Variants in ADGRL2 observed in about 807,000 individuals in gnomAD.
The protein encoded by ADGRL2 is adhesion G protein-coupled receptor L2.
In ADGRL2, 44 loss-of-function variants were observed where a neutral mutation model predicts 157.4. The ratio of observed to expected loss-of-function variants is 0.28; its 90% CI spans 0.22 to 0.36. The LOEUF (loss-of-function observed/expected upper bound fraction) is 0.36. Among genes scored for constraint, ADGRL2 ranks in the 10% least tolerant of loss-of-function variants. ADGRL2 has a pLI of 1.00. For missense variants in ADGRL2, 1,510 were observed against 1,768.9 expected (o/e 0.85, Z 2.63); for synonymous variants, 585 against 624.7 (o/e 0.94, Z 0.95).
intron 1 of ADGRL2, among the ~76,000 whole-genome samples, chr1:81,720,712 G>T (rs996408761): frequency 1.3e-5 from 2 of 151,794 alleles, no homozygotes; most frequent in African/African-American, 4.8e-5. Context: ...ATATAAAAAG[G>T]CTATTGCAGC....
intron 3 of ADGRL2, among the ~76,000 whole-genome samples, chr1:81,626,828 C>A (rs2081920801): frequency 6.6e-6 from 1 of 152,102 alleles, no homozygotes. Flanking sequence ...TGTATAAAAG[C>A]ATTTGTACCT....
At position 81,993,816 on chromosome 1, in the gene ADGRL2, T is replaced by C. The variant is rs1310777632; in HGVS notation, c.*2671T>C. ...TTTCACATTCTTGATTGTTTCTCTT[T>C]GTGATAGTCACAACTGTGAACTTAT... On this transcript the variant is annotated 3_prime_UTR_variant, in exon 24 of 24. Coordinates refer to ENST00000686636, the MANE Select transcript of ADGRL2 (RefSeq NM_001366006.2). Among the ~76,000 whole-genome samples, 1 of 152,156 alleles carries C rather than the reference T, an allele frequency of 6.6e-6. No homozygotes were observed. The highest frequency in any genetic ancestry group is 2.4e-5 in the African/African-American group (1 of 41,432).
chr1:81,331,781 T>A (rs913867506), intron 1 of ADGRL2, among the ~76,000 whole-genome samples: 3 of 152,148 alleles, frequency 2.0e-5, no homozygotes, highest in Non-Finnish European at 4.4e-5. Flanking sequence ...GTTAAAACTG[T>A]GAGTACTTAG....
intron 3 of ADGRL2, among the ~76,000 whole-genome samples, chr1:81,921,427 A>AGT (rs1192960412): frequency 6.6e-6 from 1 of 152,198 alleles, no homozygotes; most frequent in African/African-American, 2.4e-5. Flanking sequence ...TAATGTGTAT[A>AGT]GTGTGTCTTT....
At chr1:81,583,234 A>G (rs1438236251) in intron 3 of ADGRL2, among the ~76,000 whole-genome samples, 1 of 152,202 alleles carries the variant, frequency 6.6e-6, no homozygotes, top group Non-Finnish European at 1.5e-5. Context: ...TGGAATATTA[A>G]CTTGATATGT....
At chr1:81,366,430 G>A (rs1055141305) in intron 1 of ADGRL2, among the ~76,000 whole-genome samples, 7 of 152,186 alleles carry the variant, frequency 4.6e-5, no homozygotes, top group Middle Eastern at 3.2e-3. Flanking sequence ...TAGCCAGAGA[G>A]TAGTAAAACA....
At chr1:81,602,057 G>A (rs1385346774) in intron 3 of ADGRL2, among the ~76,000 whole-genome samples, 1 of 152,046 alleles carries the variant, frequency 6.6e-6, no homozygotes, top group African/African-American at 2.4e-5. Context: ...CACAAATGAA[G>A]ACCTGCCCCT....
intron 2 of ADGRL2, among the ~76,000 whole-genome samples, chr1:81,486,636 GA>G (rs1473610182): frequency 6.6e-6 from 1 of 151,994 alleles, no homozygotes; most frequent in Non-Finnish European, 1.5e-5. Flanking sequence ...TTTACTCCCA[GA>G]GTGAAACTGT....
At chr1:81,370,522 T>C (rs1306944094) in intron 1 of ADGRL2, among the ~76,000 whole-genome samples, 1 of 152,162 alleles carries the variant, frequency 6.6e-6, no homozygotes, top group East Asian at 1.9e-4. Flanking sequence ...CTATTGTTCC[T>C]ACATGAAAAT....
intron 2 of ADGRL2, among the ~76,000 whole-genome samples, chr1:81,879,156 A>G (rs1373733976): frequency 6.6e-6 from 1 of 152,204 alleles, no homozygotes; most frequent in Non-Finnish European, 1.5e-5. Flanking sequence ...GACCAGACTG[A>G]AAGTAACATT....
chr1:81,899,824 A>G (rs1399695264), intron 2 of ADGRL2, among the ~76,000 whole-genome samples: 1 of 152,080 alleles, frequency 6.6e-6, no homozygotes, highest in African/African-American at 2.4e-5. Context: ...TATGTTGATT[A>G]TGTTCACCAA....
At chr1:81,528,646 C>CAAAAAAAAAAAAA (rs59842382) in intron 2 of ADGRL2, among the ~76,000 whole-genome samples, 19 of 114,660 alleles carry the variant, frequency 1.7e-4, no homozygotes, top group South Asian at 2.6e-4. Flanking sequence ...GACTCCATCT[C>CAAAAAAAAAAAAA]AAAAAAAAAA....
intron 1 of ADGRL2, among the ~76,000 whole-genome samples, chr1:81,326,980 C>A (rs945926480): frequency 1.3e-5 from 2 of 152,142 alleles, no homozygotes; most frequent in Non-Finnish European, 2.9e-5. Context: ...ACATCAAACT[C>A]GGATTTCCCT....
intron 3 of ADGRL2, among the ~76,000 whole-genome samples, chr1:81,934,166 C>T (rs1161041278): frequency 6.6e-6 from 1 of 151,940 alleles, no homozygotes; most frequent in Admixed American, 6.6e-5. Flanking sequence ...TTATTTAAAT[C>T]AATAAAAATT....
At chr1:81,817,269 C>T (rs1457083996) in intron 1 of ADGRL2, among the ~76,000 whole-genome samples, 3 of 149,862 alleles carry the variant, frequency 2.0e-5, no homozygotes, top group Non-Finnish European at 3.0e-5. Flanking sequence ...GTAGGCCTTC[C>T]GTCCCATTTT....
At chr1:81,681,093 A>C (rs1388169856) in intron 3 of ADGRL2, among the ~76,000 whole-genome samples, 1 of 152,216 alleles carries the variant, frequency 6.6e-6, no homozygotes, top group Non-Finnish European at 1.5e-5. Context: ...TGAAGACTTG[A>C]CCTGGAAATG....
chr1:81,372,838 T>C (rs2076184584), intron 1 of ADGRL2, among the ~76,000 whole-genome samples: 1 of 152,214 alleles, frequency 6.6e-6, no homozygotes, highest in African/African-American at 2.4e-5. Context: ...TTATTTTGCT[T>C]AATCACTCCT....
chr1:81,477,540 G>T (rs1557719454), intron 2 of ADGRL2, among the ~76,000 whole-genome samples: 2 of 152,144 alleles, frequency 1.3e-5, no homozygotes, highest in African/African-American at 4.8e-5. Context: ...AGTTGCAAAA[G>T]GATCTTTTGG....
chr1:81,310,432 C>A (rs1038176568), intron 1 of ADGRL2, among the ~76,000 whole-genome samples: 5 of 152,060 alleles, frequency 3.3e-5, no homozygotes, highest in Non-Finnish European at 4.4e-5. Context: ...AAACAAAAAC[C>A]CAAACATCAT....
Sources: allele counts gnomAD v4.1 joint callset (sites outside exome capture counted in the v4.1 genomes callset), GRCh38; gene constraint gnomAD v4.1.1; transcripts MANE v1.5; gene names NCBI Gene and HGNC (gene_info 2026-07-23, HGNC 2026-07-21).